The following ADAMTSL1 variants were observed in gnomAD, a reference collection of about 807,000 sequenced individuals.
ADAMTSL1 encodes the protein ADAMTS-like protein 1.
Under a neutral mutation model 201.8 loss-of-function variants are expected in ADAMTSL1, and 126 were observed. The ratio of observed to expected loss-of-function variants is 0.62; its 90% CI spans 0.54 to 0.72. The LOEUF is 0.72. Among genes scored for constraint, ADAMTSL1 ranks in the 30% least tolerant of loss-of-function variants. The pLI is 0.00. For missense variants in ADAMTSL1, 2,679 were observed against 2,277.8 expected, an observed-to-expected ratio of 1.18 and a Z score of -3.59; for synonymous variants, 1,121 against 903.4, an observed-to-expected ratio of 1.24 and a Z score of -4.32.
intron 1 of ADAMTSL1, among the ~76,000 whole-genome samples, chr9:17,970,571 A>T (rs990330776): frequency 2.0e-5 from 3 of 152,040 alleles, no homozygotes; most frequent in African/African-American, 7.2e-5. Context: ...AGGCTGCCAC[A>T]GTGGCTTCCC....
chr9:18,876,178 T>C (rs1828136263), intron 23 of ADAMTSL1, among the ~76,000 whole-genome samples: 1 of 152,138 alleles, frequency 6.6e-6, no homozygotes, highest in South Asian at 2.1e-4. Context: ...ACTTGGTTGG[T>C]GAACTCTTAC....
intron 3 of ADAMTSL1, among the ~76,000 whole-genome samples, chr9:18,548,092 A>G (rs1251624865): frequency 6.6e-6 from 1 of 152,054 alleles, no homozygotes; most frequent in Non-Finnish European, 1.5e-5. Context: ...CTCTTTATTG[A>G]TGGATGCTTG....
At chr9:18,848,984 A>G (rs377088350) in intron 23 of ADAMTSL1, among the ~76,000 whole-genome samples, 16 of 152,372 alleles carry the variant, frequency 1.1e-4, no homozygotes, top group African/African-American at 3.6e-4. Flanking sequence ...TGAAAAGAGC[A>G]TGAACTTTGG....
At chr9:17,962,560 A>G (rs1283738922) in intron 1 of ADAMTSL1, among the ~76,000 whole-genome samples, 6 of 152,176 alleles carry the variant, frequency 3.9e-5, no homozygotes, top group Admixed American at 3.9e-4. Flanking sequence ...TATCTGAATC[A>G]TTCATGGTTG....
intron 2 of ADAMTSL1, among the ~76,000 whole-genome samples, chr9:18,507,277 T>C (rs1817728623): frequency 6.6e-6 from 1 of 152,206 alleles, no homozygotes; most frequent in African/African-American, 2.4e-5. Flanking sequence ...ATTAGCATAT[T>C]ACCTCTGCGC....
At chr9:18,279,594 C>G (rs1385463912) in intron 2 of ADAMTSL1, among the ~76,000 whole-genome samples, 1 of 150,392 alleles carries the variant, frequency 6.6e-6, no homozygotes, top group African/African-American at 2.4e-5. Flanking sequence ...CATGACACCA[C>G]CAAAGTGAAA....
chr9:18,287,422 T>C (rs1033551517), intron 2 of ADAMTSL1, among the ~76,000 whole-genome samples: 2 of 151,942 alleles, frequency 1.3e-5, no homozygotes, highest in African/African-American at 4.8e-5. Flanking sequence ...TTTATATATC[T>C]GTAATATTTC....
At chr9:18,349,586 C>T (rs951618456) in intron 2 of ADAMTSL1, among the ~76,000 whole-genome samples, 7 of 152,090 alleles carry the variant, frequency 4.6e-5, no homozygotes, top group East Asian at 1.9e-4. Flanking sequence ...TAAAACGGCC[C>T]CAGAGAGGGT....
intron 19 of ADAMTSL1, among the ~76,000 whole-genome samples, chr9:18,792,682 C>T (rs1168144828): frequency 6.6e-6 from 1 of 152,154 alleles, no homozygotes; most frequent in African/African-American, 2.4e-5. Flanking sequence ...CTGGGACATC[C>T]TAAAGCTTTA....
intron 23 of ADAMTSL1, among the ~76,000 whole-genome samples, chr9:18,886,922 C>G (rs1037311613): frequency 1.3e-5 from 2 of 152,204 alleles, no homozygotes; most frequent in African/African-American, 4.8e-5. Flanking sequence ...CAGCTGAGAT[C>G]TCCCTAGAAG....
intron 2 of ADAMTSL1, among the ~76,000 whole-genome samples, chr9:18,378,492 T>G (rs1432646388): frequency 6.6e-6 from 1 of 152,194 alleles, no homozygotes; most frequent in Non-Finnish European, 1.5e-5. Flanking sequence ...CAACTTAAGA[T>G]ATTAACTTGA....
intron 4 of ADAMTSL1, among the ~76,000 whole-genome samples, chr9:18,575,437 T>C (rs933521236): frequency 2.6e-5 from 4 of 152,190 alleles, no homozygotes; most frequent in Non-Finnish European, 4.4e-5. Flanking sequence ...AATTTTACTA[T>C]TTTAAAGCTA....
chr9:18,696,963 T>C (rs1299313891), intron 13 of ADAMTSL1, among the ~76,000 whole-genome samples: 1 of 151,348 alleles, frequency 6.6e-6, no homozygotes, highest in Non-Finnish European at 1.5e-5. Flanking sequence ...CACTGCAAAC[T>C]CCACCTCCCG....
intron 5 of ADAMTSL1, among the ~76,000 whole-genome samples, chr9:18,633,588 C>G (rs949557342): frequency 2.0e-5 from 3 of 150,048 alleles, no homozygotes; most frequent in African/African-American, 7.3e-5. Flanking sequence ...AAGTGAGACT[C>G]CATCTCAAAA....
intron 1 of ADAMTSL1, among the ~76,000 whole-genome samples, chr9:18,482,049 T>C (rs987476927): frequency 2.0e-5 from 3 of 152,224 alleles, no homozygotes; most frequent in African/African-American, 7.2e-5. Flanking sequence ...GTGCAATTAC[T>C]ATATGAGGTT....
At chr9:17,968,155 T>C (rs1045139433) in intron 1 of ADAMTSL1, among the ~76,000 whole-genome samples, 1 of 152,110 alleles carries the variant, frequency 6.6e-6, no homozygotes, top group Non-Finnish European at 1.5e-5. Flanking sequence ...AAGACCTTAG[T>C]GTGTACTGCT....
At chr9:18,783,186 G>C (rs1410122617) in intron 19 of ADAMTSL1, among the ~76,000 whole-genome samples, 1 of 152,226 alleles carries the variant, frequency 6.6e-6, no homozygotes, top group Admixed American at 6.5e-5. Flanking sequence ...AATAAGGCAA[G>C]AACACTTCTC....
chr9:18,872,580 T>C (rs970804104), intron 23 of ADAMTSL1, among the ~76,000 whole-genome samples: 1 of 152,196 alleles, frequency 6.6e-6, no homozygotes, highest in African/African-American at 2.4e-5. Context: ...AGTGAGAACA[T>C]AAAATGTTTG....
intron 4 of ADAMTSL1, chr9:18,574,616 T>TGTGTGTGG: frequency 2.5e-6 from 1 of 403,246 alleles, no homozygotes; most frequent in Non-Finnish European, 4.4e-6. Context: ...TGTGTGTGTG[T>TGTGTGTGG]GTATTTAGAG....
Sources: allele counts gnomAD v4.1 joint callset (sites outside exome capture counted in the v4.1 genomes callset), GRCh38; gene constraint gnomAD v4.1.1; transcripts MANE v1.5; gene names NCBI Gene and HGNC (gene_info 2026-07-23, HGNC 2026-07-21).